Variants in TMEM204 observed in about 807,000 individuals in gnomAD.
TMEM204 encodes the protein transmembrane protein 204.
A neutral mutation model predicts 19.4 loss-of-function variants in TMEM204; 15 were observed. The observed-to-expected ratio is 0.77, with a 90% CI of 0.52 to 1.19. The LOEUF is 1.19. TMEM204 is among the 50% of genes most tolerant of loss of function. The probability of loss-of-function intolerance (pLI) is 0.00; values close to 1 mark genes in which losing one functional copy is unlikely to be tolerated. For synonymous variants in TMEM204, 161 were observed against 146.0 expected (o/e 1.10, Z -0.74); for missense variants, 287 against 321.2 (o/e 0.89, Z 0.81).
intron 1 of TMEM204, among the ~76,000 whole-genome samples, chr16:1,535,455 A>G (rs7196649): frequency 0.089 from 13,483 of 152,240 alleles, 756 homozygotes; most frequent in African/African-American, 0.15. Context: ...AGACACCCCA[A>G]GTCTCTGCTG....
upstream of TMEM204, among the ~76,000 whole-genome samples, chr16:1,530,426 C>T (rs868328691): frequency 6.6e-5 from 10 of 152,114 alleles, no homozygotes; most frequent in Admixed American, 3.3e-4. Context: ...CCACTGCGCC[C>T]GGCCCACAAC....
At position 1,541,940 on chromosome 16, in the gene TMEM204, C is replaced by T. The variant is rs192631061; in HGVS notation, c.300C>T (p.Arg100=). The change falls in exon 2 of 3, where the codon CGC becomes CGT. Residue 100 remains arginine (R), a synonymous_variant. Transcript: ENST00000566264. The part of the protein sequence containing the change: ...GTVKLQFDMM[R]ACNLVATAAL... ...CCACAGTGCAGTTCGACATGATGCG[C>T]GCCTGCAACCTGGTGGCCACGGCCG... 434 of 1,606,386 alleles carry T rather than the reference C, an allele frequency of 2.7e-4. 2 individuals carry two copies. The African/African-American group carries it at 4.7e-3, about 17-fold the overall frequency.
intron 2 of TMEM204, 151 bp downstream of exon 2, chr16:1,542,227 C>A: frequency 2.4e-6 from 2 of 823,434 alleles, no homozygotes; most frequent in Non-Finnish European, 3.6e-6. Context: ...CCCCATGGGG[C>A]ATCCTCCCTC....
At chr16:1,541,251 G>A (rs921340163) in intron 1 of TMEM204, 2 of 985,358 alleles carry the variant, frequency 2.0e-6, no homozygotes, top group African/African-American at 3.5e-5. Context: ...AAGATTTGTG[G>A]CAGATGGGGT....
chr16:1,534,362 C>T lies in TMEM204; in HGVS notation c.87C>T (p.Asn29=). 5 of 1,612,884 alleles carry T rather than the reference C, an allele frequency of 3.1e-6. No individual in the cohort carries two copies. Among genetic ancestry groups the T allele is most frequent in the Non-Finnish European group, 4.2e-6 (5 of 1,179,892 alleles). Reference sequence around the variant, plus strand: ...ACAACGTGGCGGCCTTCACCTCCAACTGGGTGTGCCAGACGCTGGAGGATG... The same window carrying T: ...ACAACGTGGCGGCCTTCACCTCCAATTGGGTGTGCCAGACGCTGGAGGATG... ...ILNNVAAFTS[N]WVCQTLEDGR... is the part of the protein sequence containing the mutation. Residue 29 remains asparagine, a synonymous_variant, in exon 1 of 3, where the codon AAC becomes AAT. Coordinates refer to ENST00000566264, the MANE Select transcript of TMEM204 (RefSeq NM_024600.6).
chr16:1,540,943 C>T (rs2031573896), intron 1 of TMEM204: 5 of 985,402 alleles, frequency 5.1e-6, no homozygotes, highest in Middle Eastern at 1.0e-3. Context: ...TGCTCTGCAG[C>T]GTGCAGGGGC....
At chr16:1,540,846 C>T (rs1337826052) in intron 1 of TMEM204, 2 of 985,254 alleles carry the variant, frequency 2.0e-6, no homozygotes, top group East Asian at 1.1e-4. Flanking sequence ...CAAGGCATGG[C>T]GATGACAGGC....
rs2032685120 is a variant in TMEM204, at chr16:1,551,999, A to G, written c.437-2783A>G. On this transcript the variant is annotated intron_variant, in intron 2 of 2. Transcript: ENST00000566264. The surrounding 1 kb of genome is among the most constrained non-coding windows in gnomAD (Gnocchi z 4.0). ...CAATGACGGTACCTCCAGGTCCCCT[A>G]TGTGTGGAAACTGACCCCCACGGCA... Among the ~76,000 whole-genome samples, 1 of 152,064 alleles carries G rather than the reference A, an allele frequency of 6.6e-6. No individual in the cohort carries two copies. The highest frequency in any genetic ancestry group is 6.5e-5 in the Admixed American group (1 of 15,280).
intron 2 of TMEM204, 105 bp downstream of exon 2, chr16:1,542,181 C>A: frequency 1.6e-6 from 2 of 1,285,644 alleles, no homozygotes; most frequent in Non-Finnish European, 2.1e-6. Context: ...AAGCTGCAGG[C>A]CATACCTCTC....
At chr16:1,543,486 T>A (rs1357987234) in intron 2 of TMEM204, among the ~76,000 whole-genome samples, 2 of 152,164 alleles carry the variant, frequency 1.3e-5, no homozygotes, top group African/African-American at 4.8e-5. Context: ...GGGAGGGGCC[T>A]CGAGGCTTCA....
At chr16:1,542,703 G>A (rs1483432967) in intron 2 of TMEM204, among the ~76,000 whole-genome samples, 3 of 152,260 alleles carry the variant, frequency 2.0e-5, no homozygotes, top group Non-Finnish European at 2.9e-5. Context: ...GTGCCTGCAC[G>A]AGCACATGCT....
chr16:1,547,444 T>C (rs1412884962), intron 2 of TMEM204, among the ~76,000 whole-genome samples: 1 of 152,226 alleles, frequency 6.6e-6, no homozygotes, highest in East Asian at 1.9e-4. Context: ...TGCTCGCTGG[T>C]GAGAAAGTCT....
chr16:1,552,889 G>C (rs754239642), intron 2 of TMEM204: 4 of 827,364 alleles, frequency 4.8e-6, no homozygotes, highest in Non-Finnish European at 4.4e-6. Context: ...TCGTGACCTC[G>C]TGATCCACCC....
intron 1 of TMEM204, among the ~76,000 whole-genome samples, chr16:1,537,381 G>A (rs2031184226): frequency 1.3e-5 from 2 of 152,230 alleles, no homozygotes. Flanking sequence ...ATCATCCAGC[G>A]CTCGTCACTC....
chr16:1,542,234 C>T (rs897775530), intron 2 of TMEM204, among the ~76,000 whole-genome samples, 158 bp downstream of exon 2: 1 of 152,250 alleles, frequency 6.6e-6, no homozygotes, highest in Non-Finnish European at 1.5e-5. Flanking sequence ...GGGCATCCTC[C>T]CTCCCTCTTG....
At chr16:1,531,738 C>G (rs1240766588), upstream of TMEM204, 1 of 152,318 alleles carries the variant, frequency 6.6e-6, no homozygotes, top group African/African-American at 2.4e-5. The surrounding 1 kb of genome is among the most constrained non-coding windows in gnomAD (Gnocchi z 4.7). Flanking sequence ...GCACAGGGAC[C>G]TGGAGCACCC....
At chr16:1,540,915 G>A (rs1596329626) in intron 1 of TMEM204, 1 of 985,434 alleles carries the variant, frequency 1.0e-6, no homozygotes, top group African/African-American at 1.7e-5. Flanking sequence ...CTGAGTGTCT[G>A]TCAGCACACA....
At chr16:1,554,067 G>A (rs1043189770) in intron 2 of TMEM204, 1 of 1,287,182 alleles carries the variant, frequency 7.8e-7, no homozygotes, top group Non-Finnish European at 1.0e-6. Context: ...AAGCATGGAA[G>A]GAAAATCTGC....
chr16:1,546,394 G>A (rs1567354033), intron 2 of TMEM204, among the ~76,000 whole-genome samples: 2 of 152,206 alleles, frequency 1.3e-5, no homozygotes, highest in Non-Finnish European at 2.9e-5. Flanking sequence ...CCTGGGTTCT[G>A]CTCCTGGCTC....
Sources: gnomAD v4.1 joint callset for allele counts (sites outside exome capture counted in the v4.1 genomes callset) on GRCh38, gnomAD v4.1.1 for gene constraint, Gnocchi (gnomAD v3.1) non-coding constraint, MANE v1.5 for transcripts, NCBI Gene and HGNC (gene_info 2026-07-23, HGNC 2026-07-21) for gene names.